Variants in UCN2 observed in about 807,000 individuals in gnomAD.
UCN2 encodes urocortin-2.
A neutral mutation model predicts 1.6 loss-of-function variants in UCN2; 3 were observed. The observed-to-expected ratio is 1.88, with a 90% CI of 0.85 to 4.85. UCN2 has a LOEUF of 4.85. Among genes scored for constraint, UCN2 ranks in the 30% most tolerant of loss-of-function variants. UCN2 has a pLI of 0.02. For missense variants in UCN2, 127 were observed against 150.8 expected (o/e 0.84, Z 0.83); for synonymous variants, 64 against 66.0 (o/e 0.97, Z 0.15).
In UCN2 at chr3:48,562,915, C is replaced by A. The variant is rs200780329; in HGVS notation, c.210G>T (p.Ser70=). Residue 70 remains serine (S), a synonymous_variant, in exon 2 of 2, where the codon TCG becomes TCT. Coordinates refer to ENST00000273610, the MANE Select transcript of UCN2 (RefSeq NM_033199.4). This position sits in a 1 kb window ranked among gnomAD's most constrained non-coding sequence, Gnocchi z 4.3. ...GGACATCCAGCGATAGGACAATGCG[C>A]GAGCCAGGGTGGCGGGTGGGGCTGC... The part of the protein sequence containing the change: ...SHCSPTRHPG[S]RIVLSLDVPI... 1 of 1,604,514 alleles carries A rather than the reference C, an allele frequency of 6.2e-7. No individual in the cohort carries two copies. Among genetic ancestry groups the A allele is most frequent in the Non-Finnish European group, 8.5e-7 (1 of 1,175,524 alleles).
In UCN2 at chr3:48,563,168, C is replaced by T. The variant is rs544707476; in HGVS notation, c.-12-32G>A. The T allele has an allele frequency of 1.7e-5, 26 of 1,558,464 alleles. No individual in the cohort carries two copies. In the South Asian group the frequency reaches 2.2e-4, roughly 13 times the overall value. ...GGAGAAAATGGGCTCAGGGCAGGGG[C>T]TCTGGTCAACTGGGGTCCATGGACA... is the stretch of plus-strand genomic sequence containing the variant. On this transcript the variant is annotated intron_variant, in intron 1 of 1. Transcript: ENST00000273610. This position sits in a 1 kb window ranked among gnomAD's most constrained non-coding sequence, Gnocchi z 4.5.
In UCN2 at chr3:48,562,712, C is replaced by T. The variant is rs78159609; in HGVS notation, c.*74G>A. On this transcript the variant is annotated 3_prime_UTR_variant, in exon 2 of 2. Coordinates refer to ENST00000273610, the MANE Select transcript of UCN2 (RefSeq NM_033199.4). The surrounding 1 kb of genome is among the most constrained non-coding windows in gnomAD (Gnocchi z 4.3). ...CTGTATGCCCAGATGTGGCAGCATC[C>T]GTCCAGCTGTGTGGCTGCCCTCCAG... 0.035 allele frequency: 47,565 copies of T among 1,373,114 alleles called. 992 individuals carry two copies. The highest frequency in any genetic ancestry group is 0.04 in the Non-Finnish European group (41,405 of 1,029,106). 85.1% of individuals were successfully genotyped at this position (1,373,114 alleles called of 1,614,324 possible).
Position 48,561,774 on chromosome 3 carries a change from C to T in UCN2, c.*1012G>A, listed in dbSNP as rs2043436239. On this transcript the variant is annotated 3_prime_UTR_variant, in exon 2 of 2. Transcript: ENST00000273610. This position sits in a 1 kb window ranked among gnomAD's most constrained non-coding sequence, Gnocchi z 5.2. ...TTATTGAGCACCTCCTGCTGCAGGA[C>T]CTCCATGTCTGCTATATACACAATG... The T allele has an allele frequency of 6.8e-6, 1 of 146,724 alleles. No homozygotes were observed. The highest frequency in any genetic ancestry group is 2.1e-4 in the South Asian group (1 of 4,666). The allele number at this position is 146,724 out of a possible 1,614,324, so 9.1% of individuals were successfully genotyped here. A position where few individuals can be genotyped will look rare whatever the true frequency, so the allele number is the denominator to read the frequency against.
Position 48,562,814 on chromosome 3 carries a change from C to T in UCN2, c.311G>A (p.Arg104His), listed in dbSNP as rs374482474. 3.2e-5 allele frequency: 50 copies of T among 1,564,674 alleles called. No homozygotes were observed. The African/African-American group carries it at 3.2e-4, about 10-fold the overall frequency. ...AAREQATTNA[R>H]ILARVGHC ...GCAGTGGCCGACACGGGCCAGGATG[C>T]GGGCGTTGGTGGTGGCCTGCTCCCT... Residue 104 changes from arginine (R) to histidine (H), a missense_variant, in exon 2 of 2, where the codon CGC becomes CAC. Physicochemically the swap from Arg to His is conservative, Grantham distance 29. Transcript: ENST00000273610. The surrounding 1 kb of genome is among the most constrained non-coding windows in gnomAD (Gnocchi z 4.3).
In UCN2 at chr3:48,563,162, C is replaced by T. The variant is rs764395753; in HGVS notation, c.-12-26G>A. 2 of 1,578,612 alleles carry T rather than the reference C, an allele frequency of 1.3e-6. No individual in the cohort carries two copies. The highest frequency in any genetic ancestry group is 4.5e-5 in the East Asian group (2 of 44,016). ...CTGCAAGGAGAAAATGGGCTCAGGG[C>T]AGGGGCTCTGGTCAACTGGGGTCCA... On this transcript the variant is annotated intron_variant, in intron 1 of 1. Transcript: ENST00000273610. This position sits in a 1 kb window ranked among gnomAD's most constrained non-coding sequence, Gnocchi z 4.5.
At position 48,563,524 on chromosome 3, in the gene UCN2, G is replaced by T. The variant is rs771755103; in HGVS notation, c.-13+179C>A. Among the ~76,000 whole-genome samples, 3 of 152,090 alleles carry T rather than the reference G, an allele frequency of 2.0e-5. No homozygotes were observed. The highest frequency in any genetic ancestry group is 7.2e-5 in the African/African-American group (3 of 41,396). On this transcript the variant is annotated intron_variant, in intron 1 of 1. Transcript: ENST00000273610. The surrounding 1 kb of genome is among the most constrained non-coding windows in gnomAD (Gnocchi z 4.5). ...ACACAGAGTCCACAGGAGGGCAGGC[G>T]GTTCTCAGCAGGAGAGCTTGCAGCT... is the stretch of plus-strand genomic sequence containing the variant.
chr3:48,561,775 C>T lies in UCN2; in HGVS notation c.*1011G>A, dbSNP rs1357777677. The T allele has an allele frequency of 6.8e-6, 1 of 146,742 alleles. No individual in the cohort carries two copies. Among genetic ancestry groups the T allele is most frequent in the Non-Finnish European group, 1.5e-5 (1 of 67,292 alleles). 9.1% of individuals were successfully genotyped at this position (146,742 alleles called of 1,614,324 possible). A position where few individuals can be genotyped will look rare whatever the true frequency, so the allele number is the denominator to read the frequency against. ...TATTGAGCACCTCCTGCTGCAGGAC[C>T]TCCATGTCTGCTATATACACAATGC... On this transcript the variant is annotated 3_prime_UTR_variant, in exon 2 of 2. Coordinates refer to ENST00000273610, the MANE Select transcript of UCN2 (RefSeq NM_033199.4). The surrounding 1 kb of genome is among the most constrained non-coding windows in gnomAD (Gnocchi z 5.2).
chr3:48,562,027 A>C lies in UCN2; in HGVS notation c.*759T>G, dbSNP rs2043439430. The C allele has an allele frequency of 6.6e-6, 1 of 152,190 alleles. No individual in the cohort carries two copies. The highest frequency in any genetic ancestry group is 1.5e-5 in the Non-Finnish European group (1 of 68,058). The allele number at this position is 152,190 out of a possible 1,614,324, so 9.4% of individuals were successfully genotyped here. A position where few individuals can be genotyped will look rare whatever the true frequency, so the allele number is the denominator to read the frequency against. On this transcript the variant is annotated 3_prime_UTR_variant, in exon 2 of 2. Transcript: ENST00000273610. The surrounding 1 kb of genome is among the most constrained non-coding windows in gnomAD (Gnocchi z 4.3). ...CCTGGCCAGGAGTTGTTCTTGCTTC[A>C]TGCAGGTTTGGGGGACAAGCACCCA...
In UCN2 at chr3:48,561,967, G is replaced by A. The variant is rs1414992045; in HGVS notation, c.*819C>T. On this transcript the variant is annotated 3_prime_UTR_variant, in exon 2 of 2. Coordinates refer to ENST00000273610, the MANE Select transcript of UCN2 (RefSeq NM_033199.4). The surrounding 1 kb of genome is among the most constrained non-coding windows in gnomAD (Gnocchi z 5.2). ...TGAGCCCTGCATGTCCCTGGGTCGA[G>A]GCTGGGGATGCAGGGGTACGTGGGG... 1 of 152,290 alleles carries A rather than the reference G, an allele frequency of 6.6e-6. No homozygotes were observed. Among genetic ancestry groups the A allele is most frequent in the African/African-American group, 2.4e-5 (1 of 41,462 alleles). 9.4% of individuals were successfully genotyped at this position (152,290 alleles called of 1,614,324 possible). A position where few individuals can be genotyped will look rare whatever the true frequency, so the allele number is the denominator to read the frequency against.
chr3:48,562,759 C>G lies in UCN2; in HGVS notation c.*27G>C. On this transcript the variant is annotated 3_prime_UTR_variant, in exon 2 of 2. Coordinates refer to ENST00000273610, the MANE Select transcript of UCN2 (RefSeq NM_033199.4). This position sits in a 1 kb window ranked among gnomAD's most constrained non-coding sequence, Gnocchi z 4.3. ...CCAGGTCTTCCCATCCAGGGTGGCC[C>G]TATCACTGTGACCCCCTCTCTCAGG... is the stretch of plus-strand genomic sequence containing the variant. 6.6e-7 allele frequency: 1 copy of G among 1,519,622 alleles called. No individual in the cohort carries two copies. Among genetic ancestry groups the G allele is most frequent in the Non-Finnish European group, 8.8e-7 (1 of 1,136,650 alleles). The allele number at this position is 1,519,622 out of a possible 1,614,324, so 94.1% of individuals were successfully genotyped here.
chr3:48,562,576 C>T lies in UCN2; in HGVS notation c.*210G>A. ...AGCAATGTCCAATGTCCAGGCTGTC[C>T]AGACACACTGTGACTCTGTGGGGCA... On this transcript the variant is annotated 3_prime_UTR_variant, in exon 2 of 2. Transcript: ENST00000273610. This position sits in a 1 kb window ranked among gnomAD's most constrained non-coding sequence, Gnocchi z 4.3. 5.1e-6 allele frequency: 3 copies of T among 591,144 alleles called. No individual in the cohort carries two copies. The highest frequency in any genetic ancestry group is 8.8e-6 in the Non-Finnish European group (3 of 342,206). 36.6% of individuals were successfully genotyped at this position (591,144 alleles called of 1,614,324 possible).
In UCN2 at chr3:48,561,906, T is replaced by A. The variant is rs2043438286; in HGVS notation, c.*880A>T. ...TCCGTGCGTGAAGTGGGACAGAGTT[T>A]GGTTGGAGCTCCGGCAGCCTGAGCC... is the stretch of plus-strand genomic sequence containing the variant. On this transcript the variant is annotated 3_prime_UTR_variant, in exon 2 of 2. Coordinates refer to ENST00000273610, the MANE Select transcript of UCN2 (RefSeq NM_033199.4). The surrounding 1 kb of genome is among the most constrained non-coding windows in gnomAD (Gnocchi z 5.2). 2 of 152,176 alleles carry A rather than the reference T, an allele frequency of 1.3e-5. No individual in the cohort carries two copies. The highest frequency in any genetic ancestry group is 4.1e-4 in the South Asian group (2 of 4,840). 9.4% of individuals were successfully genotyped at this position (152,176 alleles called of 1,614,324 possible).
Position 48,563,039 on chromosome 3 carries a change from T to C in UCN2, c.86A>G (p.Gln29Arg). The part of the protein sequence containing the change: ...VVPVTPIPTF[Q>R]LRPQNSPQTT... ...CTGGGGAGAATTCTGAGGGCGGAGC[T>C]GGAAGGTTGGGATAGGGGTCACTGG... Residue 29 changes from glutamine to arginine, a missense_variant, in exon 2 of 2, where the codon CAG becomes CGG. Transcript: ENST00000273610. The surrounding 1 kb of genome is among the most constrained non-coding windows in gnomAD (Gnocchi z 4.5). The C allele has an allele frequency of 1.2e-6, 2 of 1,611,476 alleles. No individual in the cohort carries two copies. Among genetic ancestry groups the C allele is most frequent in the Non-Finnish European group, 1.7e-6 (2 of 1,179,364 alleles).
Position 48,562,756 on chromosome 3 carries a change from G to A in UCN2, c.*30C>T, listed in dbSNP as rs200766954. On this transcript the variant is annotated 3_prime_UTR_variant, in exon 2 of 2. Transcript: ENST00000273610. The surrounding 1 kb of genome is among the most constrained non-coding windows in gnomAD (Gnocchi z 4.3). The stretch of plus-strand genomic sequence containing the variant: ...CCTCCAGGTCTTCCCATCCAGGGTG[G>A]CCCTATCACTGTGACCCCCTCTCTC... 53 of 1,512,606 alleles carry A rather than the reference G, an allele frequency of 3.5e-5. No homozygotes were observed. In the East Asian group the frequency reaches 8.6e-4, roughly 24 times the overall value. The allele number at this position is 1,512,606 out of a possible 1,614,324, so 93.7% of individuals were successfully genotyped here. A position where few individuals can be genotyped will look rare whatever the true frequency, so the allele number is the denominator to read the frequency against.
rs749118149 is a variant in UCN2 at position 48,562,803 on chromosome 3, G to A, written c.322C>T (p.Arg108Cys). The change falls in exon 2 of 2, where the codon CGT becomes TGT. Residue 108 changes from arginine (R) to cysteine (C), a missense_variant. Arg to Cys is a radical substitution (Grantham distance 180). Coordinates refer to ENST00000273610, the MANE Select transcript of UCN2 (RefSeq NM_033199.4). This position sits in a 1 kb window ranked among gnomAD's most constrained non-coding sequence, Gnocchi z 4.3. Reference sequence around the variant, plus strand: ...TCTCAGGCTCAGCAGTGGCCGACACGGGCCAGGATGCGGGCGTTGGTGGTG... The same window carrying A: ...TCTCAGGCTCAGCAGTGGCCGACACAGGCCAGGATGCGGGCGTTGGTGGTG... The part of the protein sequence containing the change: ...QATTNARILA[R>C]VGHC The A allele has an allele frequency of 3.7e-5, 58 of 1,556,760 alleles. No homozygotes were observed. The highest frequency in any genetic ancestry group is 4.6e-5 in the Non-Finnish European group (53 of 1,152,128).
At position 48,562,632 on chromosome 3, in the gene UCN2, G is replaced by T; in HGVS notation, c.*154C>A. 1.4e-6 allele frequency: 1 copy of T among 709,298 alleles called. No homozygotes were observed. Among genetic ancestry groups the T allele is most frequent in the Non-Finnish European group, 2.3e-6 (1 of 438,368 alleles). The allele number at this position is 709,298 out of a possible 1,614,324, so 43.9% of individuals were successfully genotyped here. On this transcript the variant is annotated 3_prime_UTR_variant, in exon 2 of 2. Transcript: ENST00000273610. This position sits in a 1 kb window ranked among gnomAD's most constrained non-coding sequence, Gnocchi z 4.3. ...ATCTGATATGACCTGCATGACAGTG[G>T]CTCCATGTGGCAGTGTCCAGACACT... is the stretch of plus-strand genomic sequence containing the variant.
rs1452801823 is a variant in UCN2 at position 48,562,798 on chromosome 3, GAC to G, written c.325_326del (p.Val109ArgfsTer213). On this transcript the variant is annotated frameshift_variant, in exon 2 of 2. Coordinates refer to ENST00000273610, the MANE Select transcript of UCN2 (RefSeq NM_033199.4). LOFTEE classifies it high-confidence loss of function. This position sits in a 1 kb window ranked among gnomAD's most constrained non-coding sequence, Gnocchi z 4.3. ...ATTNARILAR[V>X]GHC ...CCCTCTCTCAGGCTCAGCAGTGGCCGACACGGGCCAGGATGCGGGCGTTGGTG... is the reference window on the plus strand; with the variant it reads ...CCCTCTCTCAGGCTCAGCAGTGGCCGACGGGCCAGGATGCGGGCGTTGGTG... 3.9e-6 allele frequency: 6 copies of G among 1,552,730 alleles called. No homozygotes were observed. The highest frequency in any genetic ancestry group is 1.7e-4 in the Middle Eastern group (1 of 5,970).
Position 48,562,899 on chromosome 3 carries a change from G to A in UCN2, c.226C>T (p.Leu76=), listed in dbSNP as rs903310048. ...RHPGSRIVLS[L]DVPIGLLQIL... is the part of the protein sequence containing the mutation. Reference sequence around the variant, plus strand: ...TGCAAGAGGCCGATGGGGACATCCAGCGATAGGACAATGCGCGAGCCAGGG... The same window carrying A: ...TGCAAGAGGCCGATGGGGACATCCAACGATAGGACAATGCGCGAGCCAGGG... Residue 76 remains leucine (L), a synonymous_variant, in exon 2 of 2, where the codon CTG becomes TTG. Transcript: ENST00000273610. This position sits in a 1 kb window ranked among gnomAD's most constrained non-coding sequence, Gnocchi z 4.3. 3 of 1,605,176 alleles carry A rather than the reference G, an allele frequency of 1.9e-6. No homozygotes were observed. The highest frequency in any genetic ancestry group is 1.1e-5 in the South Asian group (1 of 89,532).
At position 48,562,535 on chromosome 3, in the gene UCN2, G is replaced by A; in HGVS notation, c.*251C>T. 1 of 540,818 alleles carries A rather than the reference G, an allele frequency of 1.8e-6. No homozygotes were observed. Among genetic ancestry groups the A allele is most frequent in the South Asian group, 2.5e-5 (1 of 40,358 alleles). The allele number at this position is 540,818 out of a possible 1,614,324, so 33.5% of individuals were successfully genotyped here. A position where few individuals can be genotyped will look rare whatever the true frequency, so the allele number is the denominator to read the frequency against. On this transcript the variant is annotated 3_prime_UTR_variant, in exon 2 of 2. Coordinates refer to ENST00000273610, the MANE Select transcript of UCN2 (RefSeq NM_033199.4). This position sits in a 1 kb window ranked among gnomAD's most constrained non-coding sequence, Gnocchi z 4.3. ...ACACAGGCATGGCAAGACTCCATGT[G>A]GCAGTGACCCAACTTAGCAATGTCC... is the stretch of plus-strand genomic sequence containing the variant.
Sources: gnomAD v4.1 joint callset for allele counts (sites outside exome capture counted in the v4.1 genomes callset) on GRCh38, gnomAD v4.1.1 for gene constraint, Gnocchi (gnomAD v3.1) non-coding constraint, MANE v1.5 for transcripts, NCBI Gene and HGNC (gene_info 2026-07-23, HGNC 2026-07-21) for gene names.